Variants in PISD observed in about 807,000 individuals in gnomAD.
PISD encodes phosphatidylserine decarboxylase proenzyme, mitochondrial.
A neutral mutation model predicts 43.5 loss-of-function variants in PISD; 31 were observed. That is an observed-to-expected ratio of 0.71 (90% CI 0.54 to 0.96). The LOEUF is 0.96. PISD is among the 40% of genes least tolerant of loss of function. PISD has a pLI of 0.00. For missense variants in PISD, 523 were observed against 548.4 expected (o/e 0.95, Z 0.46); for synonymous variants, 259 against 228.7 (o/e 1.13, Z -1.20).
intron 4 of PISD, 82 bp downstream of exon 4, chr22:31,621,566 AG>A: frequency 6.3e-7 from 1 of 1,599,264 alleles, no homozygotes; most frequent in Non-Finnish European, 8.5e-7. Context: ...TGCCCCTTCC[AG>A]ATACGCTGGA....
At chr22:31,629,337 TGGGGTGTGTAGGTGTGAGGGTGTGTGTAG>T (rs1227907191) in intron 3 of PISD, 5 of 439,172 alleles carry the variant, frequency 1.1e-5, no homozygotes, top group African/African-American at 6.5e-5. Flanking sequence ...CGAGGATGTG[TGGGGTGTGTAGGTGTGAGGGTGTGTGTAG>T]GGGGTGTGTA....
intron 3 of PISD, among the ~76,000 whole-genome samples, chr22:31,643,660 A>G (rs983123896): frequency 2.6e-4 from 39 of 152,236 alleles, no homozygotes; most frequent in Admixed American, 6.5e-5. Flanking sequence ...CTGTAATTCT[A>G]GCACTTTGGG....
chr22:31,640,880 G>GTTTTTTTTTTTTTTTTTTTTTTTTTT (rs1214973570), intron 3 of PISD, among the ~76,000 whole-genome samples: 1 of 24,600 alleles, frequency 4.1e-5, no homozygotes, highest in African/African-American at 1.8e-4. Flanking sequence ...CACACCCGGT[G>GTTTTTTTTTTTTTTTTTTTTTTTTTT]TTTTTTTTTT....
chr22:31,619,902 T>G, intron 7 of PISD, 66 bp from the exon 8 acceptor site: 1 of 1,041,568 alleles, frequency 9.6e-7, no homozygotes. Flanking sequence ...CCCCCACATG[T>G]GTTTGGAGTC....
rs147996858 is a variant in PISD, at chr22:31,658,783, T to C, written c.65+3361A>G. Among the ~76,000 whole-genome samples the C allele has an allele frequency of 2.0e-5, 3 of 151,946 alleles. No individual in the cohort carries two copies. In the East Asian group the frequency reaches 5.8e-4, roughly 29 times the overall value. On this transcript the variant is annotated intron_variant, in intron 1 of 7. Coordinates refer to ENST00000439502, the MANE Select transcript of PISD (RefSeq NM_001326411.2). ...CTTGGGCTCAAGCAATTCTCCTGCC[T>C]CAGCCTCCCAAAGTGTTGAGATTAC...
intron 3 of PISD, chr22:31,623,599 C>A: frequency 7.5e-7 from 1 of 1,326,728 alleles, no homozygotes. Context: ...TCTGACAGCT[C>A]GCCACCACCT....
At chr22:31,650,199 C>T (rs1220769346) in intron 2 of PISD, among the ~76,000 whole-genome samples, 1 of 151,976 alleles carries the variant, frequency 6.6e-6, no homozygotes, top group East Asian at 1.9e-4. Flanking sequence ...ATAATGAGGC[C>T]GGGCACGGTG....
At chr22:31,642,798 A>C (rs991749421) in intron 3 of PISD, among the ~76,000 whole-genome samples, 24 of 143,936 alleles carry the variant, frequency 1.7e-4, no homozygotes, top group Non-Finnish European at 2.8e-4. Context: ...CAGTTTCAAA[A>C]AAAAAAAAAA....
intron 3 of PISD, chr22:31,627,978 G>A: frequency 2.1e-6 from 2 of 973,506 alleles, no homozygotes; most frequent in Non-Finnish European, 2.4e-6. Context: ...GAACCATCCT[G>A]AGAGGCCAGG....
At chr22:31,638,658 T>C (rs950039212) in intron 3 of PISD, 1 of 983,892 alleles carries the variant, frequency 1.0e-6, no homozygotes, top group Non-Finnish European at 1.2e-6. Context: ...TAGCTAATGG[T>C]TTTTTCTTTG....
chr22:31,656,360 A>T (rs1397885338), intron 1 of PISD, among the ~76,000 whole-genome samples: 1 of 151,546 alleles, frequency 6.6e-6, no homozygotes, highest in Non-Finnish European at 1.5e-5. Context: ...AAACAAAAAA[A>T]TAAAGGCCGG....
At chr22:31,641,836 A>G (rs2073740338) in intron 3 of PISD, among the ~76,000 whole-genome samples, 1 of 150,968 alleles carries the variant, frequency 6.6e-6, no homozygotes, top group South Asian at 2.1e-4. Context: ...TAATAATAAT[A>G]ATGATAAAAT....
At chr22:31,628,937 G>A (rs758539091) in intron 3 of PISD, 2 of 985,406 alleles carry the variant, frequency 2.0e-6, no homozygotes, top group South Asian at 4.7e-5. Flanking sequence ...GGGCTTAGGT[G>A]GCAGTTCTAA....
chr22:31,650,014 C>T (rs1296691367), intron 2 of PISD, among the ~76,000 whole-genome samples: 1 of 152,232 alleles, frequency 6.6e-6, no homozygotes, highest in African/African-American at 2.4e-5. Context: ...TGATCTCAGA[C>T]ATTTAGCCCT....
At position 31,648,201 on chromosome 22, in the gene PISD, C is replaced by T. The variant is rs1569491330; in HGVS notation, c.221G>A (p.Gly74Asp). 5 of 1,612,434 alleles carry T rather than the reference C, an allele frequency of 3.1e-6. No individual in the cohort carries two copies. The highest frequency in any genetic ancestry group is 4.2e-6 in the Non-Finnish European group (5 of 1,179,764). ...CTGCCGGTACCCTGCATACCCGCCG[C>T]CTGTCACCAACAGAATGGGCAGGGG... ...LRPLPILLVTGGGYAGYRQYE... is the reference protein window; with the variant it reads ...LRPLPILLVTDGGYAGYRQYE... The change falls in exon 3 of 8, where the codon GGC (glycine) becomes GAC (aspartate). Residue 74 changes from glycine to aspartate, a missense_variant. Transcript: ENST00000439502.
In PISD at chr22:31,619,619, G is replaced by A. The variant is rs370700622; in HGVS notation, c.1223C>T (p.Ser408Leu). 52 of 1,612,772 alleles carry A rather than the reference G, an allele frequency of 3.2e-5. 1 individual carries two copies. The highest frequency in any genetic ancestry group is 3.1e-4 in the African/African-American group (23 of 74,916). Residue 408 changes from serine to leucine, a missense_variant, in exon 8 of 8, where the codon TCG (serine) becomes TTG (leucine). By Grantham distance (145) the Ser-to-Leu change is moderately radical. Transcript: ENST00000439502. ...ATAATCAGGAAAGAGACTCTAGAGC[G>A]AGCCCAGGGCTTCCCCAAAGCGGAT... ...QKIRFGEALG[S>L]L
intron 2 of PISD, among the ~76,000 whole-genome samples, chr22:31,648,557 C>A (rs2073945614): frequency 6.6e-6 from 1 of 151,856 alleles, no homozygotes; most frequent in South Asian, 2.1e-4. Flanking sequence ...GTAGTCCCAG[C>A]TACTCGGGAG....
chr22:31,639,010 CCT>C (rs147670023), intron 3 of PISD, among the ~76,000 whole-genome samples: 1,756 of 151,444 alleles, frequency 0.012, 35 homozygotes, highest in African/African-American at 0.041. Context: ...TTTTTTTCCC[CCT>C]GAGACAGCGT....
intron 3 of PISD, chr22:31,627,924 A>AG: frequency 1.5e-6 from 1 of 659,386 alleles, no homozygotes; most frequent in Non-Finnish European, 1.9e-6. Flanking sequence ...GCCAGGGGCC[A>AG]GGTCAGATGC....
Sources: allele counts gnomAD v4.1 joint callset (sites outside exome capture counted in the v4.1 genomes callset), GRCh38; gene constraint gnomAD v4.1.1; transcripts MANE v1.5; gene names NCBI Gene and HGNC (gene_info 2026-07-23, HGNC 2026-07-21).